Variants in WWC1 observed in about 807,000 individuals in gnomAD.
The protein encoded by WWC1 is protein KIBRA.
A neutral mutation model predicts 138.4 loss-of-function variants in WWC1; 55 were observed. The ratio of observed to expected loss-of-function variants is 0.40; its 90% CI spans 0.32 to 0.50. The LOEUF is 0.50. WWC1 is among the 20% of genes least tolerant of loss of function. The pLI is 0.72. For missense variants in WWC1, 1,226 were observed against 1,420.4 expected, an observed-to-expected ratio of 0.86 and a Z score of 2.20; for synonymous variants, 524 against 564.9, an observed-to-expected ratio of 0.93 and a Z score of 1.03.
chr5:168,427,934 C>T (rs1781632059), intron 11 of WWC1, 99 bp from the exon 12 acceptor site: 1 of 950,264 alleles, frequency 1.1e-6, no homozygotes, highest in Non-Finnish European at 1.6e-6. Flanking sequence ...GCACTCCAGC[C>T]TGGATGAGTG....
In WWC1 at chr5:168,461,625, C is replaced by T. The variant is rs544684923; in HGVS notation, c.2916+883C>T. Among the ~76,000 whole-genome samples the T allele has an allele frequency of 2.1e-3, 320 of 152,288 alleles. 1 individual carries two copies. The highest frequency in any genetic ancestry group is 2.2e-3 in the Non-Finnish European group (151 of 68,028). ...GATGGGGTGGGGGTAGGCAAAGGAG[C>T]GACCCCTGATTTGTCTTTGACCATT... On this transcript the variant is annotated intron_variant, in intron 20 of 22. Transcript: ENST00000265293.
In WWC1 at chr5:168,471,335, T is replaced by G. The variant is rs1757664933; in HGVS notation, c.*2318T>G. ...CCGTGGCTTCACGTCTCTGAACACATCAATCTCTGATGTTCTCTCTCCTTC... is the reference window on the plus strand; with the variant it reads ...CCGTGGCTTCACGTCTCTGAACACAGCAATCTCTGATGTTCTCTCTCCTTC... On this transcript the variant is annotated 3_prime_UTR_variant, in exon 23 of 23. Transcript: ENST00000265293. 6.6e-6 allele frequency: 1 copy of G among 152,322 alleles called. No homozygotes were observed. The highest frequency in any genetic ancestry group is 1.5e-5 in the Non-Finnish European group (1 of 68,128). The allele number at this position is 152,322 out of a possible 1,614,324, so 9.4% of individuals were successfully genotyped here. A position where few individuals can be genotyped will look rare whatever the true frequency, so the allele number is the denominator to read the frequency against.
At chr5:168,414,633 G>T in intron 9 of WWC1, 43 bp downstream of exon 9, 1 of 1,515,480 alleles carries the variant, frequency 6.6e-7, no homozygotes, top group South Asian at 1.3e-5. Context: ...TTCTCTCACT[G>T]GCAGTCTGTC....
chr5:168,340,074 TTC>T (rs1475843294), intron 1 of WWC1, among the ~76,000 whole-genome samples: 2 of 150,744 alleles, frequency 1.3e-5, no homozygotes, highest in Non-Finnish European at 2.9e-5. Context: ...TTTCTTCTCT[TTC>T]TCTCTCTCTT....
chr5:168,440,288 C>A (rs74410042), intron 15 of WWC1, among the ~76,000 whole-genome samples: 2,378 of 152,264 alleles, frequency 0.016, 68 homozygotes, highest in African/African-American at 0.055. Context: ...GATGGCTATC[C>A]AAAAACCACA....
intron 15 of WWC1, among the ~76,000 whole-genome samples, chr5:168,434,281 C>T (rs1782173362): frequency 6.6e-6 from 1 of 152,222 alleles, no homozygotes; most frequent in South Asian, 2.1e-4. Context: ...AATGGGAAAC[C>T]TCCTTTCCCA....
chr5:168,309,518 C>A (rs1001368433), intron 1 of WWC1, among the ~76,000 whole-genome samples: 2 of 152,144 alleles, frequency 1.3e-5, no homozygotes, highest in African/African-American at 4.8e-5. Flanking sequence ...CACAGGCAGC[C>A]CCTATTTCCA....
At chr5:168,388,097 G>C (rs954939548) in intron 3 of WWC1, among the ~76,000 whole-genome samples, 2 of 152,112 alleles carry the variant, frequency 1.3e-5, no homozygotes, top group Non-Finnish European at 2.9e-5. Flanking sequence ...TGGAGAGATG[G>C]GCAGCCACCA....
Position 168,440,060 on chromosome 5 carries a change from A to C in WWC1, c.2281-1622A>C, listed in dbSNP as rs73802307. 3.9e-3 allele frequency among the ~76,000 whole-genome samples: 600 copies of C among 152,318 alleles called. 4 individuals are homozygous for C. The highest frequency in any genetic ancestry group is 0.013 in the African/African-American group (558 of 41,574). ...GGGACCATCATTATCCTCAGTACCT[A>C]ACACAGAACCTAGTGCTTAATATAA... On this transcript the variant is annotated intron_variant, in intron 15 of 22. Transcript: ENST00000265293.
At chr5:168,421,917 T>C (rs138788569) in intron 9 of WWC1, 91 bp from the exon 10 acceptor site, 1 of 1,082,172 alleles carries the variant, frequency 9.2e-7, no homozygotes, top group East Asian at 2.5e-5. Flanking sequence ...TACGGAAAGT[T>C]CTTGTGCCTG....
chr5:168,431,453 C>T lies in WWC1; in HGVS notation c.2280+9C>T, dbSNP rs753654585. 4 of 1,569,230 alleles carry T rather than the reference C, an allele frequency of 2.5e-6. No individual in the cohort carries two copies. Among genetic ancestry groups the T allele is most frequent in the East Asian group, 2.3e-5 (1 of 43,498 alleles). On this transcript the variant is annotated intron_variant, in intron 15 of 22. Coordinates refer to ENST00000265293, the MANE Select transcript of WWC1 (RefSeq NM_015238.3). ...ATCTGGAAGAGTGCCTGGTAAGGGCCGTGTCTGGCTGGCTGGCTGGCTGGC... is the reference window on the plus strand; with the variant it reads ...ATCTGGAAGAGTGCCTGGTAAGGGCTGTGTCTGGCTGGCTGGCTGGCTGGC...
In WWC1 at chr5:168,291,961, G is replaced by A. The variant is rs998805169; in HGVS notation, c.-192G>A. On this transcript the variant is annotated 5_prime_UTR_variant, in exon 1 of 23. Transcript: ENST00000265293. ...CGGCGGGAGGAGCGGGCGGCGCCGG[G>A]TCGGGGCTGCAGGGCCGCATGGACA... is the stretch of plus-strand genomic sequence containing the variant. 1.0e-4 allele frequency: 45 copies of A among 434,336 alleles called. No homozygotes were observed. Among genetic ancestry groups the A allele is most frequent in the African/African-American group, 9.2e-4 (44 of 48,012 alleles). The allele number at this position is 434,336 out of a possible 1,614,324, so 26.9% of individuals were successfully genotyped here. A position where few individuals can be genotyped will look rare whatever the true frequency, so the allele number is the denominator to read the frequency against.
chr5:168,464,655 G>A (rs1757097384), intron 20 of WWC1, 74 bp from the exon 21 acceptor site: 1 of 1,581,950 alleles, frequency 6.3e-7, no homozygotes, highest in Non-Finnish European at 8.6e-7. Context: ...GGTATTTGAG[G>A]GTCAGAGGAA....
intron 15 of WWC1, among the ~76,000 whole-genome samples, chr5:168,435,097 G>A (rs983492527): frequency 6.6e-6 from 1 of 152,102 alleles, no homozygotes; most frequent in Non-Finnish European, 1.5e-5. Context: ...AAATTATACT[G>A]TATCTCCCTG....
At chr5:168,364,935 GA>G (rs1288246144) in intron 1 of WWC1, among the ~76,000 whole-genome samples, 1 of 152,196 alleles carries the variant, frequency 6.6e-6, no homozygotes, top group Non-Finnish European at 1.5e-5. Context: ...TGGTGTTAAC[GA>G]AGGCTCTGCT....
At chr5:168,355,181 C>T (rs1775299116) in intron 1 of WWC1, among the ~76,000 whole-genome samples, 1 of 152,108 alleles carries the variant, frequency 6.6e-6, no homozygotes, top group Non-Finnish European at 1.5e-5. Flanking sequence ...GTCAGGCCTG[C>T]CCAGGAAGGC....
At position 168,469,218 on chromosome 5, in the gene WWC1, C is replaced by A. The variant is rs934960997; in HGVS notation, c.*201C>A. Reference sequence around the variant, plus strand: ...AACAAAAACAAAACACACACACACACAAAAACAGAAACAAAAAAAACCAGC... The same window carrying A: ...AACAAAAACAAAACACACACACACAAAAAAACAGAAACAAAAAAAACCAGC... On this transcript the variant is annotated 3_prime_UTR_variant, in exon 23 of 23. Coordinates refer to ENST00000265293, the MANE Select transcript of WWC1 (RefSeq NM_015238.3). The A allele has an allele frequency of 5.0e-5, 27 of 537,782 alleles. No homozygotes were observed. Among genetic ancestry groups the A allele is most frequent in the South Asian group, 2.3e-4 (8 of 35,026 alleles). 33.3% of individuals were successfully genotyped at this position (537,782 alleles called of 1,614,324 possible).
intron 3 of WWC1, among the ~76,000 whole-genome samples, chr5:168,396,111 C>T (rs1271447025): frequency 1.3e-5 from 2 of 151,408 alleles, no homozygotes; most frequent in Non-Finnish European, 2.9e-5. Flanking sequence ...TAGCCAGGTG[C>T]GGTGGCTCAC....
chr5:168,427,920 C>A, intron 11 of WWC1, 113 bp from the exon 12 acceptor site: 1 of 775,522 alleles, frequency 1.3e-6, no homozygotes, highest in Non-Finnish European at 2.1e-6. Context: ...ATGATTGTGC[C>A]ACTGCACTCC....
Sources: allele counts gnomAD v4.1 joint callset (sites outside exome capture counted in the v4.1 genomes callset), GRCh38; gene constraint gnomAD v4.1.1; transcripts MANE v1.5; gene names NCBI Gene and HGNC (gene_info 2026-07-23, HGNC 2026-07-21).